Variants in EXOC6B observed in about 807,000 individuals in gnomAD.
EXOC6B encodes the protein exocyst complex component 6B.
EXOC6B carries 54 observed loss-of-function variants against 113.5 expected under a neutral mutation model. That is an observed-to-expected ratio of 0.48 (90% CI 0.38 to 0.60). The LOEUF is 0.60. Ranked by LOEUF, EXOC6B falls within the 20% of genes least tolerant of loss-of-function variation. The pLI is 0.00. For missense variants in EXOC6B, 797 were observed against 977.5 expected, an observed-to-expected ratio of 0.82 and a Z score of 2.46; for synonymous variants, 357 against 339.0, an observed-to-expected ratio of 1.05 and a Z score of -0.58.
chr2:72,305,406 A>G (rs1686795162), intron 20 of EXOC6B, among the ~76,000 whole-genome samples: 1 of 149,866 alleles, frequency 6.7e-6, no homozygotes, highest in African/African-American at 2.4e-5. Context: ...GGTCCTCACC[A>G]AATCATATTC....
intron 20 of EXOC6B, among the ~76,000 whole-genome samples, chr2:72,198,258 G>T (rs532925089): frequency 2.6e-5 from 4 of 152,162 alleles, no homozygotes; most frequent in Non-Finnish European, 2.9e-5. Flanking sequence ...GATCCCAAAA[G>T]AACTCTTGCC....
chr2:72,480,562 G>A (rs778081679), intron 17 of EXOC6B, 54 bp downstream of exon 17: 156 of 1,489,916 alleles, frequency 1.0e-4, no homozygotes, highest in South Asian at 1.8e-4. Flanking sequence ...TAGGTAGAAC[G>A]TCCCAGACTG....
At chr2:72,583,444 T>G (rs1032255364) in intron 6 of EXOC6B, among the ~76,000 whole-genome samples, 1 of 152,206 alleles carries the variant, frequency 6.6e-6, no homozygotes, top group African/African-American at 2.4e-5. Context: ...AAAATCTTGA[T>G]AGTAGCTAGA....
chr2:72,204,611 C>T (rs1462069841), intron 20 of EXOC6B, among the ~76,000 whole-genome samples: 5 of 151,968 alleles, frequency 3.3e-5, no homozygotes, highest in Non-Finnish European at 5.9e-5. Flanking sequence ...AAGGCTGCTG[C>T]CCTCACCTCT....
At chr2:72,466,216 G>A (rs1698045741) in intron 17 of EXOC6B, among the ~76,000 whole-genome samples, 7 of 151,594 alleles carry the variant, frequency 4.6e-5, no homozygotes, top group Admixed American at 4.6e-4. Context: ...ATGGTGGTGG[G>A]AGCCTGTAAT....
intron 20 of EXOC6B, among the ~76,000 whole-genome samples, chr2:72,241,440 CAGA>C (rs1334738020): frequency 1.3e-5 from 2 of 152,064 alleles, no homozygotes; most frequent in African/African-American, 4.8e-5. Context: ...AAGAAAGGAA[CAGA>C]AGAAGTACTT....
intron 1 of EXOC6B, among the ~76,000 whole-genome samples, chr2:72,813,815 T>C (rs926688032): frequency 1.3e-5 from 2 of 152,188 alleles, no homozygotes; most frequent in African/African-American, 4.8e-5. Context: ...GAAGTAGAAA[T>C]TGGTTTGCAC....
rs148978092 is a variant in EXOC6B at position 72,375,958 on chromosome 2, G to A, written c.2122+3771C>T. On this transcript the variant is annotated intron_variant, in intron 19 of 21. Coordinates refer to ENST00000272427, the MANE Select transcript of EXOC6B (RefSeq NM_015189.3). Reference sequence around the variant, plus strand: ...TTTTTACACAACAGCCAACCAAGATGGAAGCAGCACCATCCTTTACAGCCT... The same window carrying A: ...TTTTTACACAACAGCCAACCAAGATAGAAGCAGCACCATCCTTTACAGCCT... Among the ~76,000 whole-genome samples, 111 of 152,260 alleles carry A rather than the reference G, an allele frequency of 7.3e-4. 1 individual carries two copies. The highest frequency in any genetic ancestry group is 1.2e-3 in the Non-Finnish European group (84 of 68,014).
At chr2:72,573,138 G>A (rs190040965) in intron 7 of EXOC6B, among the ~76,000 whole-genome samples, 1 of 152,082 alleles carries the variant, frequency 6.6e-6, no homozygotes, top group Non-Finnish European at 1.5e-5. Flanking sequence ...ATCTTCAATA[G>A]GTCAATGATA....
At chr2:72,442,517 T>G (rs980262232) in intron 18 of EXOC6B, among the ~76,000 whole-genome samples, 29 of 152,134 alleles carry the variant, frequency 1.9e-4, no homozygotes, top group African/African-American at 6.8e-4. Flanking sequence ...GAAAGCTTCT[T>G]AAGCTGATAA....
chr2:72,483,647 A>G (rs1699240785), intron 16 of EXOC6B, among the ~76,000 whole-genome samples: 1 of 152,218 alleles, frequency 6.6e-6, no homozygotes, highest in African/African-American at 2.4e-5. Context: ...AGTAGATACC[A>G]TGTCATTTTC....
In EXOC6B at chr2:72,518,510, G is replaced by A. The variant is rs562645757; in HGVS notation, c.916-3384C>T. ...TGTGTGTGTGTGTGTGTGTGTGTGT[G>A]TGTGTGTGTGGTGGGTGGGGGAAGT... On this transcript the variant is annotated intron_variant, in intron 8 of 21. Transcript: ENST00000272427. 5.5e-4 allele frequency among the ~76,000 whole-genome samples: 83 copies of A among 152,044 alleles called. 1 individual carries two copies. The East Asian group carries it at 0.011, about 19-fold the overall frequency.
chr2:72,395,747 T>C (rs1692688685), intron 18 of EXOC6B, among the ~76,000 whole-genome samples: 1 of 152,122 alleles, frequency 6.6e-6, no homozygotes, highest in South Asian at 2.1e-4. Flanking sequence ...TTTGGGACAG[T>C]TATTTAATCT....
chr2:72,495,607 T>G, intron 14 of EXOC6B, 68 bp from the exon 15 acceptor site: 1 of 864,104 alleles, frequency 1.2e-6, no homozygotes, highest in Non-Finnish European at 1.8e-6. Flanking sequence ...TATAAATTAT[T>G]TAGGTTGCAA....
intron 18 of EXOC6B, among the ~76,000 whole-genome samples, chr2:72,383,164 G>T (rs972975182): frequency 2.0e-5 from 3 of 152,072 alleles, no homozygotes; most frequent in African/African-American, 7.2e-5. Context: ...AAACCTAAGA[G>T]CTTCTGCACA....
chr2:72,401,593 A>ATATG (rs1693264640), intron 18 of EXOC6B, among the ~76,000 whole-genome samples: 1 of 43,938 alleles, frequency 2.3e-5, no homozygotes, highest in South Asian at 4.8e-4. Context: ...ATATATATAT[A>ATATG]TATATATATG....
At chr2:72,234,498 C>T (rs1453138458) in intron 20 of EXOC6B, among the ~76,000 whole-genome samples, 1 of 151,938 alleles carries the variant, frequency 6.6e-6, no homozygotes, top group Non-Finnish European at 1.5e-5. Context: ...GGACATAGGC[C>T]CCCGGCAAAG....
At chr2:72,442,524 A>C (rs562643393) in intron 18 of EXOC6B, among the ~76,000 whole-genome samples, 1 of 152,328 alleles carries the variant, frequency 6.6e-6, no homozygotes, top group Admixed American at 6.5e-5. Flanking sequence ...TCTTAAGCTG[A>C]TAAACAACTT....
At chr2:72,334,357 A>G (rs1343311785) in intron 20 of EXOC6B, among the ~76,000 whole-genome samples, 1 of 152,062 alleles carries the variant, frequency 6.6e-6, no homozygotes, top group African/African-American at 2.4e-5. Flanking sequence ...AGCTTTCATC[A>G]CATTACTTTA....
Sources: allele counts gnomAD v4.1 joint callset (sites outside exome capture counted in the v4.1 genomes callset), GRCh38; gene constraint gnomAD v4.1.1; transcripts MANE v1.5; gene names NCBI Gene and HGNC (gene_info 2026-07-23, HGNC 2026-07-21).